SCHIP1: variants seen among roughly 807,000 people sequenced by gnomAD.
SCHIP1 encodes the protein schwannomin interacting protein 1.
SCHIP1 carries 8 observed loss-of-function variants against 29.7 expected under a neutral mutation model. The observed-to-expected ratio is 0.27, with a 90% CI of 0.16 to 0.49. The LOEUF (loss-of-function observed/expected upper bound fraction) is 0.49, where lower values mean the gene tolerates loss of function less well. SCHIP1 is among the 20% of genes least tolerant of loss of function. SCHIP1 has a pLI of 0.99. For missense variants in SCHIP1, 193 were observed against 294.6 expected (o/e 0.66, Z 2.52); for synonymous variants, 76 against 94.9 (o/e 0.80, Z 1.16).
chr3:159,822,131 C>G, the SCHIP1 span, among the ~76,000 whole-genome samples: 1 of 152,164 alleles, frequency 6.6e-6, no homozygotes, highest in South Asian at 2.1e-4. Context: ...AGGGGAGACA[C>G]TGTATATTTT....
the SCHIP1 span, among the ~76,000 whole-genome samples, chr3:159,826,730 A>G: frequency 6.6e-6 from 1 of 152,222 alleles, no homozygotes; most frequent in Non-Finnish European, 1.5e-5. Flanking sequence ...GCTCATTTCT[A>G]TCTTGACCTT....
chr3:159,574,732 A>G, the SCHIP1 span, among the ~76,000 whole-genome samples: 41,917 of 152,130 alleles, frequency 0.28, 9,432 homozygotes, highest in African/African-American at 0.61. Flanking sequence ...GGAGTCTAGA[A>G]GCAATAGGCC....
At chr3:159,391,162 A>G in the SCHIP1 span, among the ~76,000 whole-genome samples, 1 of 152,192 alleles carries the variant, frequency 6.6e-6, no homozygotes, top group African/African-American at 2.4e-5. Context: ...AAATTGTCCC[A>G]TTATAGTGGA....
chr3:159,495,289 T>C, the SCHIP1 span, among the ~76,000 whole-genome samples: 1 of 152,178 alleles, frequency 6.6e-6, no homozygotes, highest in African/African-American at 2.4e-5. Flanking sequence ...ATAAAGGACA[T>C]TCAATTAGGA....
the SCHIP1 span, among the ~76,000 whole-genome samples, chr3:159,680,638 A>ATATATTTATT: frequency 2.0e-5 from 1 of 50,058 alleles, no homozygotes; most frequent in Non-Finnish European, 3.5e-5. Context: ...TATTTTATAT[A>ATATATTTATT]TTATATAATA....
chr3:159,526,033 G>A, the SCHIP1 span, among the ~76,000 whole-genome samples: 2 of 152,210 alleles, frequency 1.3e-5, no homozygotes, highest in Non-Finnish European at 2.9e-5. Context: ...CATAACTAGA[G>A]TTAGTCATAA....
chr3:159,411,517 C>A, the SCHIP1 span, among the ~76,000 whole-genome samples: 1 of 152,034 alleles, frequency 6.6e-6, no homozygotes, highest in Non-Finnish European at 1.5e-5. Flanking sequence ...GAAAATAAGT[C>A]AAAAATTATG....
chr3:159,552,924 A>G, the SCHIP1 span, among the ~76,000 whole-genome samples: 1 of 152,174 alleles, frequency 6.6e-6, no homozygotes, highest in East Asian at 1.9e-4. Flanking sequence ...GCTGAGGAGT[A>G]AAGTATCTTT....
chr3:159,845,182 C>T (rs1266617654), intron 1 of SCHIP1, among the ~76,000 whole-genome samples: 1 of 152,202 alleles, frequency 6.6e-6, no homozygotes, highest in Non-Finnish European at 1.5e-5. Flanking sequence ...ATGTCTCCTA[C>T]CCACACACCA....
At chr3:159,309,809 C>T in the SCHIP1 span, among the ~76,000 whole-genome samples, 1 of 152,070 alleles carries the variant, frequency 6.6e-6, no homozygotes, top group Admixed American at 6.6e-5. Context: ...TTTGCGGGGT[C>T]CACCATGCAA....
the SCHIP1 span, among the ~76,000 whole-genome samples, chr3:159,295,865 A>G: frequency 6.6e-6 from 1 of 152,202 alleles, no homozygotes; most frequent in Non-Finnish European, 1.5e-5. Flanking sequence ...TTTTGAATTG[A>G]ATTCACTTGC....
upstream of SCHIP1, among the ~76,000 whole-genome samples, chr3:159,838,442 A>G (rs1364317713): frequency 6.6e-6 from 1 of 152,208 alleles, no homozygotes; most frequent in Non-Finnish European, 1.5e-5. Context: ...TGGGAAGAGG[A>G]AGAGTTTTTG....
chr3:159,327,704 ACT>A, the SCHIP1 span, among the ~76,000 whole-genome samples: 5 of 152,048 alleles, frequency 3.3e-5, no homozygotes, highest in Non-Finnish European at 7.4e-5. Context: ...GGCCCTAATA[ACT>A]CTGCTTCTAT....
the SCHIP1 span, among the ~76,000 whole-genome samples, chr3:159,318,060 G>A: frequency 6.6e-6 from 1 of 152,154 alleles, no homozygotes; most frequent in Non-Finnish European, 1.5e-5. Context: ...AGAAGTCCAT[G>A]CTGCTGAGCC....
the SCHIP1 span, among the ~76,000 whole-genome samples, chr3:159,642,471 G>C: frequency 3.3e-5 from 5 of 152,114 alleles, no homozygotes; most frequent in African/African-American, 1.2e-4. Context: ...TCCTCCTGTG[G>C]CTTCTCATCT....
chr3:159,308,351 CA>C, the SCHIP1 span, among the ~76,000 whole-genome samples: 5 of 152,044 alleles, frequency 3.3e-5, no homozygotes, highest in Admixed American at 6.6e-5. Context: ...ATAACCCCAT[CA>C]AAATATGGAT....
rs147527578 is a variant in SCHIP1, at chr3:159,853,056, TG to T, written c.30+12844del. 293 of 232,148 alleles carry T rather than the reference TG, an allele frequency of 1.3e-3. 1 individual carries two copies. Among genetic ancestry groups the T allele is most frequent in the African/African-American group, 6.3e-3 (281 of 44,520 alleles). The allele number at this position is 232,148 out of a possible 1,614,324, so 14.4% of individuals were successfully genotyped here. On this transcript the variant is annotated intron_variant, in intron 1 of 6. Transcript: ENST00000445224. ...TTTCTTGGGAACAGGAAAGGTGCTG[TG>T]GAGAGGAATTGGGGCGGGATCATTC...
chr3:159,471,617 C>A, the SCHIP1 span, among the ~76,000 whole-genome samples: 1 of 151,436 alleles, frequency 6.6e-6, no homozygotes, highest in African/African-American at 2.4e-5. Context: ...GAAATAAAAA[C>A]AATGAGAAGA....
the SCHIP1 span, among the ~76,000 whole-genome samples, chr3:159,564,871 T>G: frequency 6.6e-6 from 1 of 152,194 alleles, no homozygotes; most frequent in Admixed American, 6.5e-5. Context: ...TGATGGACAT[T>G]TGGTTTATTT....
Sources: allele counts gnomAD v4.1 joint callset (sites outside exome capture counted in the v4.1 genomes callset), GRCh38; gene constraint gnomAD v4.1.1; transcripts MANE v1.5; gene names NCBI Gene and HGNC (gene_info 2026-07-23, HGNC 2026-07-21).